Variants in ZCCHC7 observed in about 807,000 individuals in gnomAD.
ZCCHC7 encodes the protein zinc finger CCHC-type containing 7.
A neutral mutation model predicts 52.0 loss-of-function variants in ZCCHC7; 35 were observed. That is an observed-to-expected ratio of 0.67 (90% CI 0.51 to 0.89). The LOEUF is 0.89. Ranked by LOEUF, ZCCHC7 falls within the 40% of genes least tolerant of loss-of-function variation. ZCCHC7 has a pLI of 0.00. For synonymous variants in ZCCHC7, 217 were observed against 221.5 expected (o/e 0.98, Z 0.18); for missense variants, 574 against 649.1 (o/e 0.88, Z 1.26).
intron 2 of ZCCHC7, among the ~76,000 whole-genome samples, chr9:37,171,764 C>T (rs1336249691): frequency 1.3e-5 from 2 of 152,204 alleles, no homozygotes; most frequent in Middle Eastern, 3.4e-3. Flanking sequence ...TTTAGAGGAC[C>T]TTGAGTTCTA....
intron 2 of ZCCHC7, among the ~76,000 whole-genome samples, chr9:37,261,231 A>G (rs1588568607): frequency 6.6e-6 from 1 of 152,204 alleles, no homozygotes; most frequent in Non-Finnish European, 1.5e-5. Context: ...TAAGACGTCA[A>G]CAGATTTTTT....
intron 2 of ZCCHC7, among the ~76,000 whole-genome samples, chr9:37,243,420 T>C (rs770086577): frequency 2.2e-4 from 33 of 151,844 alleles, no homozygotes; most frequent in Non-Finnish European, 4.4e-4. Flanking sequence ...CTTTGGAAAC[T>C]CTTTAGCTGT....
intron 2 of ZCCHC7, among the ~76,000 whole-genome samples, chr9:37,165,318 G>A (rs1276412297): frequency 6.8e-6 from 1 of 146,648 alleles, no homozygotes; most frequent in African/African-American, 2.5e-5. Context: ...TGACTTTTTT[G>A]TTTTTTTTTT....
Position 37,354,827 on chromosome 9 carries a change from A to G in ZCCHC7, c.1198+3A>G. On this transcript the variant is annotated splice_donor_region_variant and intron_variant, in intron 8 of 8. Coordinates refer to ENST00000336755, the MANE Select transcript of ZCCHC7 (RefSeq NM_032226.3). This position sits in a 1 kb window ranked among gnomAD's most constrained non-coding sequence, Gnocchi z 4.0. ...GAGACTAAAACAAAAAATAAAAGGTATGTTGCTAGACTTCTTGTTAGATCA... is the reference window on the plus strand; with the variant it reads ...GAGACTAAAACAAAAAATAAAAGGTGTGTTGCTAGACTTCTTGTTAGATCA... 1 of 1,568,248 alleles carries G rather than the reference A, an allele frequency of 6.4e-7. No homozygotes were observed. The highest frequency in any genetic ancestry group is 8.8e-7 in the Non-Finnish European group (1 of 1,142,280).
In ZCCHC7 at chr9:37,126,954, A is replaced by C. The variant is rs755788519; in HGVS notation, c.610+12A>C. 2 of 1,609,330 alleles carry C rather than the reference A, an allele frequency of 1.2e-6. No individual in the cohort carries two copies. The highest frequency in any genetic ancestry group is 1.7e-6 in the Non-Finnish European group (2 of 1,177,932). On this transcript the variant is annotated intron_variant, in intron 2 of 8. Transcript: ENST00000336755. Reference sequence around the variant, plus strand: ...CTCTGTTACTGAAGGTTAGTATCATATTGGCCATTTTGAAAGTAGTATCAT... The same window carrying C: ...CTCTGTTACTGAAGGTTAGTATCATCTTGGCCATTTTGAAAGTAGTATCAT...
intron 2 of ZCCHC7, among the ~76,000 whole-genome samples, chr9:37,185,381 C>T (rs931720958): frequency 6.6e-6 from 1 of 152,078 alleles, no homozygotes; most frequent in Non-Finnish European, 1.5e-5. Flanking sequence ...AATTTAGAGC[C>T]TTTAAATAAA....
rs1047024022 is a variant in ZCCHC7, at chr9:37,170,061, TA to T, written c.610+43133del. On this transcript the variant is annotated intron_variant, in intron 2 of 8. Transcript: ENST00000336755. ...GGCTGCAAAGTGAGATCCTATCTCTTAAAAAAAAAAAAAATTAGAAAAAGAA... is the reference window on the plus strand; with the variant it reads ...GGCTGCAAAGTGAGATCCTATCTCTTAAAAAAAAAAAAATTAGAAAAAGAA... 4.4e-3 allele frequency among the ~76,000 whole-genome samples: 634 copies of T among 143,572 alleles called. 2 individuals are homozygous for T. The highest frequency in any genetic ancestry group is 7.3e-3 in the Admixed American group (104 of 14,310). 94.2% of individuals were successfully genotyped at this position (143,572 alleles called of 152,430 possible). A position where few individuals can be genotyped will look rare whatever the true frequency, so the allele number is the denominator to read the frequency against.
At chr9:37,211,725 C>A (rs577524385) in intron 2 of ZCCHC7, among the ~76,000 whole-genome samples, 1 of 152,066 alleles carries the variant, frequency 6.6e-6, no homozygotes, top group Non-Finnish European at 1.5e-5. Context: ...TAAGTCATTT[C>A]GCTTAGAAAA....
intron 2 of ZCCHC7, among the ~76,000 whole-genome samples, chr9:37,255,021 A>G (rs1223880471): frequency 6.6e-6 from 1 of 151,704 alleles, no homozygotes; most frequent in East Asian, 1.9e-4. Flanking sequence ...ACTGTAGTCT[A>G]CCCTTATCTT....
intron 2 of ZCCHC7, among the ~76,000 whole-genome samples, chr9:37,215,495 TA>T (rs1225851196): frequency 6.6e-6 from 1 of 152,210 alleles, no homozygotes; most frequent in African/African-American, 2.4e-5. Context: ...AGCGTGGTTA[TA>T]AAATGAATCT....
chr9:37,297,570 T>TAAATTTAAATTTCC (rs1828844650), intron 2 of ZCCHC7, among the ~76,000 whole-genome samples: 2 of 152,234 alleles, frequency 1.3e-5, no homozygotes, highest in Non-Finnish European at 2.9e-5. Flanking sequence ...TTTACAATTT[T>TAAATTTAAATTTCC]AGATGTAACA....
At chr9:37,274,057 C>G (rs1255258875) in intron 2 of ZCCHC7, among the ~76,000 whole-genome samples, 1 of 152,066 alleles carries the variant, frequency 6.6e-6, no homozygotes, top group Non-Finnish European at 1.5e-5. Flanking sequence ...TAGAAAAAAA[C>G]AAATACAGCT....
intron 2 of ZCCHC7, among the ~76,000 whole-genome samples, chr9:37,282,658 CAGG>C (rs954235458): frequency 6.7e-6 from 1 of 150,020 alleles, no homozygotes; most frequent in Admixed American, 6.7e-5. Context: ...CACCTGAGCC[CAGG>C]AGTTCAAGAC....
intron 2 of ZCCHC7, among the ~76,000 whole-genome samples, chr9:37,214,303 T>C (rs1824390536): frequency 6.6e-6 from 1 of 152,090 alleles, no homozygotes; most frequent in Non-Finnish European, 1.5e-5. Context: ...ATTATTTTTA[T>C]GTTAAGGAAA....
intron 2 of ZCCHC7, among the ~76,000 whole-genome samples, chr9:37,224,947 G>A (rs1825018797): frequency 6.6e-6 from 1 of 152,200 alleles, no homozygotes; most frequent in Non-Finnish European, 1.5e-5. Flanking sequence ...TCTTAGCAGG[G>A]CTTTCACTGC....
intron 2 of ZCCHC7, among the ~76,000 whole-genome samples, chr9:37,297,683 G>T (rs552155375): frequency 6.6e-6 from 1 of 152,158 alleles, no homozygotes; most frequent in Non-Finnish European, 1.5e-5. Flanking sequence ...TGGCACCTGC[G>T]GTGTAGATAA....
intron 2 of ZCCHC7, among the ~76,000 whole-genome samples, chr9:37,203,496 C>T (rs147393698): frequency 1.9e-4 from 29 of 152,196 alleles, no homozygotes; most frequent in Admixed American, 9.8e-4. Flanking sequence ...TGTTGTTCCC[C>T]GCCCTGTGTT....
intron 2 of ZCCHC7, among the ~76,000 whole-genome samples, chr9:37,193,983 A>G (rs1823153449): frequency 6.6e-6 from 1 of 152,102 alleles, no homozygotes; most frequent in Non-Finnish European, 1.5e-5. Context: ...CAGCGTTTTC[A>G]TTATGATTTT....
chr9:37,281,104 T>C (rs141418147), intron 2 of ZCCHC7, among the ~76,000 whole-genome samples: 69 of 152,262 alleles, frequency 4.5e-4, no homozygotes, highest in African/African-American at 1.6e-3. Context: ...TCTACTCCCA[T>C]GTATAGTTCC....
Sources: gnomAD v4.1 joint callset for allele counts (sites outside exome capture counted in the v4.1 genomes callset) on GRCh38, gnomAD v4.1.1 for gene constraint, Gnocchi (gnomAD v3.1) non-coding constraint, MANE v1.5 for transcripts, NCBI Gene and HGNC (gene_info 2026-07-23, HGNC 2026-07-21) for gene names.